NEDD4L: variants seen among roughly 807,000 people sequenced by gnomAD.
NEDD4L encodes NEDD4 like E3 ubiquitin protein ligase, also known as E3 ubiquitin-protein ligase NEDD4-like.
A neutral mutation model predicts 148.9 loss-of-function variants in NEDD4L; 54 were observed. The observed-to-expected ratio is 0.36, with a 90% CI of 0.29 to 0.45. NEDD4L has a LOEUF of 0.45. NEDD4L is among the 20% of genes least tolerant of loss of function. The pLI, the probability that NEDD4L is intolerant of heterozygous loss-of-function variation, is 1.00. For synonymous variants in NEDD4L, 433 were observed against 440.7 expected (o/e 0.98, Z 0.22); for missense variants, 856 against 1,233.8 (o/e 0.69, Z 4.59).
At chr18:58,078,089 A>G (rs2083263016) in intron 1 of NEDD4L, among the ~76,000 whole-genome samples, 1 of 152,160 alleles carries the variant, frequency 6.6e-6, no homozygotes, top group Admixed American at 6.5e-5. Context: ...ATAAAAATAA[A>G]AAGTAAAAAC....
chr18:58,142,418 A>G (rs1269551792), intron 1 of NEDD4L, among the ~76,000 whole-genome samples: 1 of 152,056 alleles, frequency 6.6e-6, no homozygotes, highest in Admixed American at 6.6e-5. Flanking sequence ...AAACCTATGT[A>G]ATTTTCTTCA....
intron 2 of NEDD4L, chr18:58,195,283 T>C (rs2040530486): frequency 3.8e-6 from 2 of 531,076 alleles, no homozygotes; most frequent in Admixed American, 3.8e-5. Flanking sequence ...GGTGTTGTTT[T>C]GTTGCAAGGG....
chr18:58,262,754 A>G (rs2049611215), intron 5 of NEDD4L, among the ~76,000 whole-genome samples: 1 of 152,246 alleles, frequency 6.6e-6, no homozygotes, highest in Non-Finnish European at 1.5e-5. Flanking sequence ...CCTTGGGCCA[A>G]CTAGGATACA....
intron 1 of NEDD4L, among the ~76,000 whole-genome samples, chr18:58,155,536 A>AT (rs2035378609): frequency 6.6e-6 from 1 of 152,196 alleles, no homozygotes; most frequent in African/African-American, 2.4e-5. Flanking sequence ...GTAAGGTGGC[A>AT]TGGATGGGTG....
intron 10 of NEDD4L, among the ~76,000 whole-genome samples, 158 bp downstream of exon 10, chr18:58,329,285 A>T (rs938766638): frequency 6.6e-6 from 1 of 152,256 alleles, no homozygotes; most frequent in African/African-American, 2.4e-5. Flanking sequence ...TATTAATTTG[A>T]AAGTGCCTAT....
Position 58,170,102 on chromosome 18 carries a change from C to T in NEDD4L, c.122+4241C>T, listed in dbSNP as rs184277177. ...TGAAGTGAGCCCGTTCTTCCTCCCT[C>T]TCTCCTTCCCTCCCTTTCCCACCCC... is the stretch of plus-strand genomic sequence containing the variant. On this transcript the variant is annotated intron_variant, in intron 2 of 30. Coordinates refer to ENST00000400345, the MANE Select transcript of NEDD4L (RefSeq NM_001144967.3). Among the ~76,000 whole-genome samples, 53 of 152,298 alleles carry T rather than the reference C, an allele frequency of 3.5e-4. 1 individual carries two copies. Among genetic ancestry groups the T allele is most frequent in the African/African-American group, 1.2e-3 (51 of 41,556 alleles).
chr18:58,371,861 T>G (rs2046917961), intron 23 of NEDD4L: 1 of 152,236 alleles, frequency 6.6e-6, no homozygotes, highest in Admixed American at 6.5e-5. Flanking sequence ...CGTCTAACTT[T>G]ATACCACATG....
At chr18:58,323,440 A>T (rs1488594898) in intron 8 of NEDD4L, 106 bp downstream of exon 8, 2 of 656,338 alleles carry the variant, frequency 3.0e-6, no homozygotes, top group East Asian at 3.0e-5. Context: ...GCTTAAATAT[A>T]AAAAAAAGTA....
chr18:58,123,119 A>G (rs112240899), intron 1 of NEDD4L, among the ~76,000 whole-genome samples: 66 of 151,780 alleles, frequency 4.3e-4, no homozygotes, highest in African/African-American at 1.5e-3. Context: ...ATCCTCCACC[A>G]CCTCTGAATG....
intron 5 of NEDD4L, among the ~76,000 whole-genome samples, chr18:58,315,016 C>G (rs1414955386): frequency 2.6e-5 from 4 of 152,166 alleles, no homozygotes; most frequent in Non-Finnish European, 4.4e-5. Flanking sequence ...GGATTCAGCA[C>G]CAGGTAGGCT....
intron 1 of NEDD4L, among the ~76,000 whole-genome samples, chr18:58,097,063 T>G (rs769023490): frequency 1.3e-5 from 2 of 152,154 alleles, no homozygotes; most frequent in Non-Finnish European, 2.9e-5. Context: ...ACTGTGGCAT[T>G]GCAAGAGGCA....
At chr18:58,213,487 A>G (rs1407133515) in intron 2 of NEDD4L, among the ~76,000 whole-genome samples, 1 of 152,224 alleles carries the variant, frequency 6.6e-6, no homozygotes, top group East Asian at 1.9e-4. Context: ...CAGTTCTAAA[A>G]GACGCATTCC....
chr18:58,235,394 C>T (rs1483955956), intron 2 of NEDD4L, among the ~76,000 whole-genome samples: 9 of 152,128 alleles, frequency 5.9e-5, no homozygotes, highest in Non-Finnish European at 2.9e-5. Context: ...AAAGGGATAC[C>T]GTGTGCCTCT....
At position 58,216,965 on chromosome 18, in the gene NEDD4L, A is replaced by G. The variant is rs540556242; in HGVS notation, c.123-28462A>G. Among the ~76,000 whole-genome samples, 3 of 152,342 alleles carry G rather than the reference A, an allele frequency of 2.0e-5. No homozygotes were observed. The East Asian group carries it at 5.8e-4, about 29-fold the overall frequency. ...GAACTGTCTGTAGCTGCCAGATTCT[A>G]AATGTTTTGAGGATACAAATCTTGG... is the stretch of plus-strand genomic sequence containing the variant. On this transcript the variant is annotated intron_variant, in intron 2 of 30. Coordinates refer to ENST00000400345, the MANE Select transcript of NEDD4L (RefSeq NM_001144967.3).
intron 1 of NEDD4L, among the ~76,000 whole-genome samples, chr18:58,095,477 G>GCAGAGAGGCAGTGAGAGACA (rs11268037): frequency 0.27 from 40,981 of 152,032 alleles, 7,274 homozygotes; most frequent in African/African-American, 0.5. Context: ...TCTGTCTGCA[G>GCAGAGAGGCAGTGAGAGACA]CACTGAGGCC....
chr18:58,263,668 T>G (rs2148695067), intron 5 of NEDD4L, among the ~76,000 whole-genome samples: 1 of 141,544 alleles, frequency 7.1e-6, no homozygotes, highest in African/African-American at 2.6e-5. Flanking sequence ...GGCTTTTTTT[T>G]TTTTTTTTTT....
At chr18:58,270,772 G>A (rs987477403) in intron 5 of NEDD4L, among the ~76,000 whole-genome samples, 6 of 151,944 alleles carry the variant, frequency 3.9e-5, no homozygotes, top group Admixed American at 6.6e-5. Flanking sequence ...GATAGAGGCC[G>A]ATTCCCTCTT....
intron 29 of NEDD4L, 95 bp downstream of exon 29, chr18:58,390,837 A>G: frequency 1.2e-6 from 1 of 842,560 alleles, no homozygotes; most frequent in South Asian, 1.4e-5. Flanking sequence ...GCCTCTGCAG[A>G]AGGCTAAGTT....
chr18:58,167,715 GA>G (rs143981757), intron 2 of NEDD4L, among the ~76,000 whole-genome samples: 2 of 147,898 alleles, frequency 1.4e-5, no homozygotes, highest in African/African-American at 5.0e-5. Context: ...AGCATCAAGG[GA>G]AAAAAAAACA....
Sources: allele counts gnomAD v4.1 joint callset (sites outside exome capture counted in the v4.1 genomes callset), GRCh38; gene constraint gnomAD v4.1.1; transcripts MANE v1.5; gene names NCBI Gene and HGNC (gene_info 2026-07-23, HGNC 2026-07-21).